Variants in PARP14 observed in about 807,000 individuals in gnomAD.
PARP14 encodes poly(ADP-ribose) polymerase family member 14.
In PARP14, 59 loss-of-function variants were observed where a neutral mutation model predicts 154.2. The observed-to-expected ratio is 0.38, with a 90% CI of 0.31 to 0.48. The LOEUF (loss-of-function observed/expected upper bound fraction) is 0.48. Among genes scored for constraint, PARP14 ranks in the 20% least tolerant of loss-of-function variants. The pLI is 0.98. For missense variants in PARP14, 1,734 were observed against 2,131.6 expected, an observed-to-expected ratio of 0.81 and a Z score of 3.67; for synonymous variants, 720 against 780.5, an observed-to-expected ratio of 0.92 and a Z score of 1.29.
At position 122,685,168 on chromosome 3, in the gene PARP14, C is replaced by T; in HGVS notation, c.188-17C>T. 6.2e-7 allele frequency: 1 copy of T among 1,608,516 alleles called. No individual in the cohort carries two copies. Among genetic ancestry groups the T allele is most frequent in the Non-Finnish European group, 8.5e-7 (1 of 1,176,752 alleles). On this transcript the variant is annotated splice_polypyrimidine_tract_variant and intron_variant, in intron 1 of 16. Transcript: ENST00000474629. ...TTGCTTGTCATTTGTCTTTTTTCCC[C>T]CCTTTGGACATTTCAGTTCGGCAGA... is the stretch of plus-strand genomic sequence containing the variant.
chr3:122,696,407 C>T (rs778481469), intron 5 of PARP14, among the ~76,000 whole-genome samples: 11 of 152,136 alleles, frequency 7.2e-5, no homozygotes, highest in Non-Finnish European at 1.6e-4. Context: ...GTTGTTTCAA[C>T]AAGGTACTTG....
In PARP14 at chr3:122,699,799, T is replaced by G. The variant is rs1938893997; in HGVS notation, c.1245T>G (p.Asn415Lys). The G allele has an allele frequency of 1.2e-6, 2 of 1,613,878 alleles. No homozygotes were observed. The highest frequency in any genetic ancestry group is 1.7e-6 in the Non-Finnish European group (2 of 1,179,850). Residue 415 changes from asparagine to lysine, a missense_variant, in exon 6 of 17, where the codon AAT becomes AAG. By Grantham distance (94) the Asn-to-Lys change is moderately conservative. Around this residue, in one of 2 missense-constraint regions of PARP14, gnomAD observed 1,646 missense variants for 1,976.0 expected, o/e 0.83. Transcript: ENST00000474629. ...VDPTMWDTIK[N>K]DVKDDRILIE... The stretch of plus-strand genomic sequence containing the variant: ...CAACAATGTGGGACACCATAAAAAA[T>G]GATGTGAAAGATGACAGGATTTTGA...
In PARP14 at chr3:122,718,342, C is replaced by A. The variant is rs778764324; in HGVS notation, c.4208-17C>A. The A allele has an allele frequency of 6.2e-7, 1 of 1,610,924 alleles. No homozygotes were observed. The highest frequency in any genetic ancestry group is 8.5e-7 in the Non-Finnish European group (1 of 1,178,662). On this transcript the variant is annotated splice_polypyrimidine_tract_variant and intron_variant, in intron 13 of 16. Transcript: ENST00000474629. ...TGATGTCACATGTGAAATACCTAAT[C>A]TTCCTTTTCTTTTTAGCATTTTTGG...
At chr3:122,727,658 T>TA (rs1343984766) in intron 15 of PARP14, among the ~76,000 whole-genome samples, 154 bp from the exon 16 acceptor site, 2 of 152,226 alleles carry the variant, frequency 1.3e-5, no homozygotes, top group Non-Finnish European at 2.9e-5. Context: ...ACACTGGATC[T>TA]AAAAAGGTTT....
Position 122,687,072 on chromosome 3 carries a change from T to C in PARP14, c.322-8T>C. Reference sequence around the variant, plus strand: ...TGTATTAATGCTACTTTATTGTTTGTGTTTCAGGAATCCAAGACCAAAGAA... The same window carrying C: ...TGTATTAATGCTACTTTATTGTTTGCGTTTCAGGAATCCAAGACCAAAGAA... On this transcript the variant is annotated splice_region_variant and splice_polypyrimidine_tract_variant and intron_variant, in intron 2 of 16. Coordinates refer to ENST00000474629, the MANE Select transcript of PARP14 (RefSeq NM_017554.3). 6.3e-7 allele frequency: 1 copy of C among 1,578,498 alleles called. No homozygotes were observed. Among genetic ancestry groups the C allele is most frequent in the Non-Finnish European group, 8.7e-7 (1 of 1,155,452 alleles).
Position 122,713,406 on chromosome 3 carries a change from T to A in PARP14, c.3620-18T>A, listed in dbSNP as rs1417483407. 1.2e-6 allele frequency: 2 copies of A among 1,602,802 alleles called. No individual in the cohort carries two copies. Among genetic ancestry groups the A allele is most frequent in the African/African-American group, 2.7e-5 (2 of 74,438 alleles). On this transcript the variant is annotated intron_variant, in intron 9 of 16. Coordinates refer to ENST00000474629, the MANE Select transcript of PARP14 (RefSeq NM_017554.3). ...CTGTGGCTGACTCGGTTATTGACTT[T>A]ACTTCTTTTCTTTTCAGGTTTTTAT...
intron 12 of PARP14, among the ~76,000 whole-genome samples, chr3:122,716,205 G>A (rs1262150593): frequency 6.6e-6 from 1 of 152,110 alleles, no homozygotes; most frequent in East Asian, 1.9e-4. Flanking sequence ...AGATTAGGTG[G>A]TTAGCAATAC....
At chr3:122,702,817 C>T (rs983296504) in intron 6 of PARP14, among the ~76,000 whole-genome samples, 1 of 151,902 alleles carries the variant, frequency 6.6e-6, no homozygotes, top group Non-Finnish European at 1.5e-5. Context: ...TCTCTTTTGA[C>T]ACCAAATATC....
At position 122,703,975 on chromosome 3, in the gene PARP14, C is replaced by T; in HGVS notation, c.3315C>T (p.Leu1105=). The stretch of plus-strand genomic sequence containing the variant: ...GGAGAAATGGTAGCACATCTTCACT[C>T]AAGGTTGGGCCTGGTTTTGAATTCT... ...PEWRNGSTSS[L]KIMEDIIREC... Residue 1105 remains leucine (L), a synonymous_variant, in exon 7 of 17, where the codon CTC becomes CTT. Transcript: ENST00000474629. The T allele has an allele frequency of 6.2e-7, 1 of 1,608,744 alleles. No homozygotes were observed. The highest frequency in any genetic ancestry group is 1.1e-5 in the South Asian group (1 of 90,926).
rs1186811106 is a variant in PARP14, at chr3:122,714,348, G to A, written c.3919G>A (p.Val1307Ile). The stretch of plus-strand genomic sequence containing the variant: ...CATTCATGTAATTGGTGGAAATGAT[G>A]TCAAGAGTTCAGTTTCCTCTGTTTT... ...NIIHVIGGND[V>I]KSSVSSVLQE... is the part of the protein sequence containing the mutation. Residue 1307 changes from valine to isoleucine, a missense_variant, in exon 12 of 17, where the codon GTC becomes ATC. Physicochemically the swap from Val to Ile is conservative, Grantham distance 29. Transcript: ENST00000474629. 34 of 1,588,174 alleles carry A rather than the reference G, an allele frequency of 2.1e-5. No homozygotes were observed. The highest frequency in any genetic ancestry group is 2.8e-5 in the Non-Finnish European group (33 of 1,172,264).
Position 122,691,067 on chromosome 3 carries a change from C to T in PARP14, c.356-1234C>T, listed in dbSNP as rs953636876. On this transcript the variant is annotated intron_variant, in intron 3 of 16. Coordinates refer to ENST00000474629, the MANE Select transcript of PARP14 (RefSeq NM_017554.3). ...TATTCCATTAACTGCAGGGACACTA[C>T]TGTTGAAACTGAACTGCAGAAAACT... 3.9e-5 allele frequency among the ~76,000 whole-genome samples: 6 copies of T among 152,334 alleles called. No individual in the cohort carries two copies. In the East Asian group the frequency reaches 5.8e-4, roughly 15 times the overall value.
At chr3:122,693,521 T>C (rs1330764582) in intron 4 of PARP14, among the ~76,000 whole-genome samples, 1 of 152,072 alleles carries the variant, frequency 6.6e-6, no homozygotes, top group East Asian at 1.9e-4. Context: ...TTTGTAAAGA[T>C]TGAATGAGAT....
At chr3:122,704,493 C>A in intron 7 of PARP14, 34 bp from the exon 8 acceptor site, 3 of 1,331,582 alleles carry the variant, frequency 2.3e-6, no homozygotes, top group Non-Finnish European at 3.2e-6. Flanking sequence ...CATTTCTAGA[C>A]AAGATGTATA....
intron 15 of PARP14, among the ~76,000 whole-genome samples, chr3:122,726,939 G>A (rs1199410485): frequency 1.6e-5 from 2 of 124,858 alleles, no homozygotes; most frequent in East Asian, 4.0e-4. Context: ...TGTTAATGCC[G>A]AGACTTTGAA....
chr3:122,723,707 G>A (rs893264815), intron 15 of PARP14, among the ~76,000 whole-genome samples: 1 of 152,138 alleles, frequency 6.6e-6, no homozygotes, highest in Non-Finnish European at 1.5e-5. Context: ...CTAGTTAAGT[G>A]GGTGACCACC....
intron 15 of PARP14, chr3:122,721,150 G>A: frequency 3.2e-6 from 1 of 314,796 alleles, no homozygotes; most frequent in Non-Finnish European, 6.2e-6. Context: ...TGCTTAAACG[G>A]TCTTTTGTCT....
chr3:122,709,891 T>TG (rs1560072524), intron 9 of PARP14, among the ~76,000 whole-genome samples: 4 of 95,836 alleles, frequency 4.2e-5, no homozygotes, highest in East Asian at 2.4e-4. Flanking sequence ...TGGGATTATT[T>TG]GTTTTTTTTT....
intron 14 of PARP14, among the ~76,000 whole-genome samples, chr3:122,719,322 GA>G (rs1333164378): frequency 6.6e-6 from 1 of 152,136 alleles, no homozygotes; most frequent in Non-Finnish European, 1.5e-5. Flanking sequence ...AGGTTTTCTA[GA>G]ACAAAAAAGG....
chr3:122,691,899 T>C (rs1938552085), intron 3 of PARP14, among the ~76,000 whole-genome samples: 1 of 152,210 alleles, frequency 6.6e-6, no homozygotes, highest in Non-Finnish European at 1.5e-5. Flanking sequence ...TAATGTAAAT[T>C]GTTCTATAAA....
Sources: allele counts gnomAD v4.1 joint callset (sites outside exome capture counted in the v4.1 genomes callset), GRCh38; gene constraint gnomAD v4.1.1; regional missense constraint gnomAD v4.1.1; transcripts MANE v1.5; gene names NCBI Gene and HGNC (gene_info 2026-07-23, HGNC 2026-07-21).